The following LIG4 variants were observed in gnomAD, a reference collection of about 807,000 sequenced individuals.
LIG4 encodes the protein DNA joinase.
A neutral mutation model predicts 19.0 loss-of-function variants in LIG4; 13 were observed. That is an observed-to-expected ratio of 0.68 (90% CI 0.44 to 1.09). The LOEUF (loss-of-function observed/expected upper bound fraction) is 1.09. Among genes scored for constraint, LIG4 ranks in the 50% least tolerant of loss-of-function variants. The pLI, the probability that LIG4 is intolerant of heterozygous loss-of-function variation, is 0.00. For missense variants in LIG4, 1,026 were observed against 1,089.7 expected (o/e 0.94, Z 0.82); for synonymous variants, 361 against 358.2 (o/e 1.01, Z -0.09).
rs1280129970 is a variant in LIG4 at position 108,215,514 on chromosome 13, G to A, written c.-132C>T. 7.4e-6 allele frequency: 1 copy of A among 135,284 alleles called. No homozygotes were observed. The highest frequency in any genetic ancestry group is 2.7e-5 in the African/African-American group (1 of 36,802). 8.4% of individuals were successfully genotyped at this position (135,284 alleles called of 1,614,324 possible). On this transcript the variant is annotated 5_prime_UTR_variant, in exon 1 of 3. Transcript: ENST00000442234. ...GTCAAGCCTGAAGCTCAGCCGCTAA[G>A]CCGGAAGCTGGCGCCAGAAGATGCC...
chr13:108,211,274 C>G lies in LIG4; in HGVS notation c.-6G>C, dbSNP rs576972519. On this transcript the variant is annotated 5_prime_UTR_variant, in exon 3 of 3. Transcript: ENST00000442234. ...GAAGTTTGTGAGGCAGCCATCAAAGCGGTGATGAATCTTCTCGTTTAACTA... is the reference window on the plus strand; with the variant it reads ...GAAGTTTGTGAGGCAGCCATCAAAGGGGTGATGAATCTTCTCGTTTAACTA... The G allele has an allele frequency of 1.9e-6, 3 of 1,606,118 alleles. No individual in the cohort carries two copies. Among genetic ancestry groups the G allele is most frequent in the Non-Finnish European group, 2.6e-6 (3 of 1,174,924 alleles).
intron 1 of LIG4, 35 bp downstream of exon 1, chr13:108,215,449 A>C (rs1457016878): frequency 2.9e-4 from 1 of 3,450 alleles, no homozygotes. Context: ...CCAACCTCCC[A>C]ACCGCCCCCA....
chr13:108,208,825 C>T lies in LIG4; in HGVS notation c.2444G>A (p.Arg815His), dbSNP rs574090677. The T allele has an allele frequency of 2.0e-5, 33 of 1,614,032 alleles. No homozygotes were observed. Among genetic ancestry groups the T allele is most frequent in the African/African-American group, 4.0e-5 (3 of 74,994 alleles). ...ATACGAGTCCAAATAAACGGTGTGG[C>T]GTCGAAACATACTGAGAGGAGAGCA... ...WDCSPLSMFR[R>H]HTVYLDSYAV... The change falls in exon 3 of 3, where the codon CGC becomes CAC. Residue 815 changes from arginine to histidine, a missense_variant. Coordinates refer to ENST00000442234, the MANE Select transcript of LIG4 (RefSeq NM_206937.2).
At position 108,209,309 on chromosome 13, in the gene LIG4, T is replaced by C. The variant is rs1216485956; in HGVS notation, c.1960A>G (p.Lys654Glu). The change falls in exon 3 of 3, where the codon AAA becomes GAA. Residue 654 changes from lysine to glutamate, a missense_variant. This residue lies in a region of LIG4 where 521 missense variants were observed against 515.5 expected (regional missense o/e 1.01). Coordinates refer to ENST00000442234, the MANE Select transcript of LIG4 (RefSeq NM_206937.2). The stretch of plus-strand genomic sequence containing the variant: ...ACATCTTCAAATATATTAGAAATTT[T>C]GTTAACGTTAGTAAGGTTAGGTGCT... ...LKAPNLTNVN[K>E]ISNIFEDVEF... 2 of 1,614,130 alleles carry C rather than the reference T, an allele frequency of 1.2e-6. No homozygotes were observed. The highest frequency in any genetic ancestry group is 1.7e-6 in the Non-Finnish European group (2 of 1,179,978).
Position 108,211,130 on chromosome 13 carries a change from T to C in LIG4, c.139A>G (p.Arg47Gly), listed in dbSNP as rs1820702796. Residue 47 changes from arginine (R) to glycine (G), a missense_variant, in exon 3 of 3, where the codon AGA becomes GGA. By Grantham distance (125) the Arg-to-Gly change is moderately radical (BLOSUM62 -2). This residue lies in a region of LIG4 where 493 missense variants were observed against 544.5 expected (regional missense o/e 0.91). Coordinates refer to ENST00000442234, the MANE Select transcript of LIG4 (RefSeq NM_206937.2). The part of the protein sequence containing the change: ...RHFREFLDSW[R>G]KFHDALHKNH... ...TTATGAAGAGCATCATGAAATTTTC[T>C]CCAAGAATCTAAAAATTCCCTGAAG... The C allele has an allele frequency of 2.5e-6, 4 of 1,611,684 alleles. No homozygotes were observed. Among genetic ancestry groups the C allele is most frequent in the East Asian group, 2.2e-5 (1 of 44,868 alleles).
Position 108,208,770 on chromosome 13 carries a change from A to G in LIG4, c.2499T>C (p.Asn833=), listed in dbSNP as rs769297575. The G allele has an allele frequency of 3.9e-5, 63 of 1,614,130 alleles. No individual in the cohort carries two copies. In the East Asian group the frequency reaches 1.2e-3, roughly 30 times the overall value. Residue 833 remains asparagine, a synonymous_variant, in exon 3 of 3, where the codon AAT becomes AAC. Coordinates refer to ENST00000442234, the MANE Select transcript of LIG4 (RefSeq NM_206937.2). ...YAVINDLSTK[N]EGTRLAIKAL... ...CTTTAATAGCTAACCTTGTCCCCTC[A>G]TTTTTGGTACTCAGGTCATTAATAA... is the stretch of plus-strand genomic sequence containing the variant.
chr13:108,211,423 C>T lies in LIG4; in HGVS notation c.-28-127G>A, dbSNP rs960712744. ...TATTAATGTTTACTAAAAAAAAGAT[C>T]AATGCTCTAAATGATGTATCTTTTC... On this transcript the variant is annotated intron_variant, in intron 2 of 2. Transcript: ENST00000442234. The T allele has an allele frequency of 7.4e-6, 5 of 677,178 alleles. No homozygotes were observed. In the African/African-American group the frequency reaches 9.0e-5, roughly 12 times the overall value. 41.9% of individuals were successfully genotyped at this position (677,178 alleles called of 1,614,324 possible). A position where few individuals can be genotyped will look rare whatever the true frequency, so the allele number is the denominator to read the frequency against.
Position 108,208,732 on chromosome 13 carries a change from C to T in LIG4, c.2537G>A (p.Arg846Gln), listed in dbSNP as rs974517230. The T allele has an allele frequency of 2.0e-5, 32 of 1,614,020 alleles. No individual in the cohort carries two copies. Among genetic ancestry groups the T allele is most frequent in the Non-Finnish European group, 2.3e-5 (27 of 1,180,040 alleles). ...AGAAACTACTTTTGCTCCATGAAAC[C>T]GAAGCTCCAAGGCTTTAATAGCTAA... Reference protein sequence around the residue: ...TRLAIKALELRFHGAKVVSCL... With the variant: ...TRLAIKALELQFHGAKVVSCL... Residue 846 changes from arginine (R) to glutamine (Q), a missense_variant, in exon 3 of 3, where the codon CGG (arginine) becomes CAG (glutamine). Around this residue, in one of 3 missense-constraint regions of LIG4, gnomAD observed 521 missense variants for 515.5 expected, o/e 1.01. Transcript: ENST00000442234.
At chr13:108,215,219 CCGCCCCACAGATTCCCCCCTCTGA>C (rs1351534949) in intron 1 of LIG4, among the ~76,000 whole-genome samples, 1 of 27,882 alleles carries the variant, frequency 3.6e-5, no homozygotes, top group Non-Finnish European at 6.9e-5. Flanking sequence ...CCCCCACCTG[CCGCCCCACAGATTCCCCCCTCTGA>C]CGCCCCACAG....
chr13:108,211,652 T>G (rs1393327145), intron 2 of LIG4, among the ~76,000 whole-genome samples: 1 of 152,204 alleles, frequency 6.6e-6, no homozygotes, highest in Non-Finnish European at 1.5e-5. Context: ...AAAAAACTCA[T>G]CAGGCTTAAT....
chr13:108,217,613 C>T (rs889896516), upstream of LIG4, among the ~76,000 whole-genome samples: 29 of 151,764 alleles, frequency 1.9e-4, no homozygotes, highest in Admixed American at 2.6e-4. Context: ...GAGAGAATCG[C>T]TTGAACCAGG....
chr13:108,210,022 T>A lies in LIG4; in HGVS notation c.1247A>T (p.Asp416Val), dbSNP rs200912533. 1 of 1,612,058 alleles carries A rather than the reference T, an allele frequency of 6.2e-7. No individual in the cohort carries two copies. The highest frequency in any genetic ancestry group is 8.5e-7 in the Non-Finnish European group (1 of 1,179,990). The stretch of plus-strand genomic sequence containing the variant: ...TTTATCTATTGCTTCATTCAATGCA[T>A]CAATTACTTCATTCTTAGTATGAGC... ...TQAHTKNEVI[D>V]ALNEAIDKRE... Residue 416 changes from aspartate to valine, a missense_variant, in exon 3 of 3, where the codon GAT (aspartate) becomes GTT (valine). Asp to Val is a radical substitution (Grantham distance 152). Around this residue, in one of 3 missense-constraint regions of LIG4, gnomAD observed 493 missense variants for 544.5 expected, o/e 0.91. Coordinates refer to ENST00000442234, the MANE Select transcript of LIG4 (RefSeq NM_206937.2).
intron 2 of LIG4, among the ~76,000 whole-genome samples, chr13:108,213,535 C>T (rs1238212339): frequency 6.6e-6 from 1 of 152,160 alleles, no homozygotes; most frequent in African/African-American, 2.4e-5. Flanking sequence ...ATAAACTAGT[C>T]GTAAGTATTT....
At chr13:108,217,483 G>T (rs1879366614), upstream of LIG4, among the ~76,000 whole-genome samples, 1 of 152,118 alleles carries the variant, frequency 6.6e-6, no homozygotes, top group Non-Finnish European at 1.5e-5. Context: ...TCTTGCCATT[G>T]CACTCCAGCC....
At chr13:108,217,784 G>C (rs2139003663), upstream of LIG4, among the ~76,000 whole-genome samples, 3 of 152,162 alleles carry the variant, frequency 2.0e-5, 1 homozygote, top group Admixed American at 2.0e-4. Flanking sequence ...AAGCCCAAGG[G>C]AGGGGAGGCA....
rs1187318427 is a variant in LIG4 at position 108,210,776 on chromosome 13, C to T, written c.493G>A (p.Asp165Asn). The T allele has an allele frequency of 1.9e-6, 3 of 1,613,818 alleles. No homozygotes were observed. The highest frequency in any genetic ancestry group is 2.5e-6 in the Non-Finnish European group (3 of 1,179,942). ...IASNNSAKRK[D>N]LIKKSLLQLI... ...TGAAGAAGGCTCTTTTTTATTAGGTCTTTTCTTTTAGCAGAATTATTGCTG... is the reference window on the plus strand; with the variant it reads ...TGAAGAAGGCTCTTTTTTATTAGGTTTTTTCTTTTAGCAGAATTATTGCTG... The change falls in exon 3 of 3, where the codon GAC becomes AAC. Residue 165 changes from aspartate (D) to asparagine (N), a missense_variant. By Grantham distance (23) the Asp-to-Asn change is conservative. Around this residue, in one of 3 missense-constraint regions of LIG4, gnomAD observed 493 missense variants for 544.5 expected, o/e 0.91. Coordinates refer to ENST00000442234, the MANE Select transcript of LIG4 (RefSeq NM_206937.2).
Position 108,210,334 on chromosome 13 carries a change from G to T in LIG4, c.935C>A (p.Thr312Asn), listed in dbSNP as rs369400986. The T allele has an allele frequency of 6.2e-7, 1 of 1,613,906 alleles. No individual in the cohort carries two copies. The highest frequency in any genetic ancestry group is 8.5e-7 in the Non-Finnish European group (1 of 1,179,876). The change falls in exon 3 of 3, where the codon ACC (threonine) becomes AAC (asparagine). Residue 312 changes from threonine (T) to asparagine (N), a missense_variant. This residue lies in a region of LIG4 where 493 missense variants were observed against 544.5 expected (regional missense o/e 0.91). Coordinates refer to ENST00000442234, the MANE Select transcript of LIG4 (RefSeq NM_206937.2). ...FGASPTEGSLTPFIHNAFKAD... is the reference protein window; with the variant it reads ...FGASPTEGSLNPFIHNAFKAD... ...TTTGAATGCATTATGAATGAATGGGGTAAGAGAACCTTCAGTAGGAGAAGC... is the reference window on the plus strand; with the variant it reads ...TTTGAATGCATTATGAATGAATGGGTTAAGAGAACCTTCAGTAGGAGAAGC...
chr13:108,217,899 C>CT (rs1415886295), upstream of LIG4, among the ~76,000 whole-genome samples: 1 of 152,080 alleles, frequency 6.6e-6, no homozygotes, highest in Non-Finnish European at 1.5e-5. Flanking sequence ...CTTCCAAGGC[C>CT]TTGAGAGGGG....
upstream of LIG4, among the ~76,000 whole-genome samples, chr13:108,216,622 G>A (rs1165903941): frequency 6.6e-6 from 1 of 152,184 alleles, no homozygotes; most frequent in East Asian, 1.9e-4. Flanking sequence ...ATATTGTTTT[G>A]TGAGTATCTG....
Sources: gnomAD v4.1 joint callset for allele counts (sites outside exome capture counted in the v4.1 genomes callset) on GRCh38, gnomAD v4.1.1 for gene constraint, gnomAD v4.1.1 regional missense constraint, MANE v1.5 for transcripts, NCBI Gene and HGNC (gene_info 2026-07-23, HGNC 2026-07-21) for gene names.